MARCHF1: variants seen among roughly 807,000 people sequenced by gnomAD.
The protein encoded by MARCHF1 is E3 ubiquitin-protein ligase MARCHF1.
Under a neutral mutation model 54.2 loss-of-function variants are expected in MARCHF1, and 40 were observed. That is an observed-to-expected ratio of 0.74 (90% CI 0.57 to 0.96). The LOEUF (loss-of-function observed/expected upper bound fraction) is 0.96. Among genes scored for constraint, MARCHF1 ranks in the 40% least tolerant of loss-of-function variants. The pLI is 0.00. For missense variants in MARCHF1, 586 were observed against 656.5 expected (o/e 0.89, Z 1.17); for synonymous variants, 236 against 236.3 (o/e 1.00, Z 0.01).
intron 5 of MARCHF1, among the ~76,000 whole-genome samples, chr4:163,655,467 A>G (rs1743104410): frequency 6.6e-6 from 1 of 151,868 alleles, no homozygotes; most frequent in Non-Finnish European, 1.5e-5. Context: ...GGGAGACTTT[A>G]ATACCCCACT....
At chr4:163,697,517 C>A (rs1744673485) in intron 5 of MARCHF1, among the ~76,000 whole-genome samples, 1 of 152,090 alleles carries the variant, frequency 6.6e-6, no homozygotes, top group Non-Finnish European at 1.5e-5. Context: ...CAGTATAGAA[C>A]AAGATTTCTG....
At chr4:163,961,331 A>G (rs1752342717) in intron 3 of MARCHF1, among the ~76,000 whole-genome samples, 1 of 151,980 alleles carries the variant, frequency 6.6e-6, no homozygotes, top group African/African-American at 2.4e-5. Flanking sequence ...AGTCCTAGAG[A>G]AAATTAACAC....
intron 1 of MARCHF1, among the ~76,000 whole-genome samples, chr4:164,264,672 C>A (rs1373942595): frequency 6.6e-6 from 1 of 152,074 alleles, no homozygotes; most frequent in Non-Finnish European, 1.5e-5. Context: ...GTAATCCCAG[C>A]ACTTTGGGAG....
Position 164,119,264 on chromosome 4 carries a change from T to G in MARCHF1, c.-322-7602A>C, listed in dbSNP as rs550302609. Among the ~76,000 whole-genome samples, 10 of 151,630 alleles carry G rather than the reference T, an allele frequency of 6.6e-5. No homozygotes were observed. In the South Asian group the frequency reaches 2.1e-3, roughly 31 times the overall value. On this transcript the variant is annotated intron_variant, in intron 1 of 9. Coordinates refer to ENST00000514618, the MANE Select transcript of MARCHF1 (RefSeq NM_001394959.1). ...AATTTCTTTTGTACAATTCTAGATTTGAAGGGATAATTAAAATCAAAATTA... is the reference window on the plus strand; with the variant it reads ...AATTTCTTTTGTACAATTCTAGATTGGAAGGGATAATTAAAATCAAAATTA...
intron 4 of MARCHF1, among the ~76,000 whole-genome samples, chr4:163,738,969 A>G (rs142467811): frequency 6.6e-6 from 1 of 152,334 alleles, no homozygotes; most frequent in East Asian, 1.9e-4. Context: ...AAATTCCTTA[A>G]GTCGATGGTT....
intron 3 of MARCHF1, among the ~76,000 whole-genome samples, chr4:163,946,334 A>T (rs543115845): frequency 6.6e-6 from 1 of 152,234 alleles, no homozygotes; most frequent in East Asian, 1.9e-4. Context: ...CTTGTCCTTA[A>T]ATAAAGACTC....
intron 1 of MARCHF1, among the ~76,000 whole-genome samples, chr4:164,125,783 G>A (rs1756166812): frequency 6.6e-6 from 1 of 152,200 alleles, no homozygotes; most frequent in Non-Finnish European, 1.5e-5. Context: ...TGTCAGATCA[G>A]CAGGGCATTA....
chr4:163,633,628 C>A (rs1371625318), intron 5 of MARCHF1, among the ~76,000 whole-genome samples: 1 of 152,146 alleles, frequency 6.6e-6, no homozygotes, highest in Non-Finnish European at 1.5e-5. Context: ...GATTGGTATA[C>A]CTGAAAGTGA....
chr4:163,797,706 T>C (rs1042395581), intron 4 of MARCHF1, among the ~76,000 whole-genome samples: 1 of 152,118 alleles, frequency 6.6e-6, no homozygotes, highest in South Asian at 2.1e-4. Flanking sequence ...TTTATTTATT[T>C]CTAGAGTTTC....
intron 1 of MARCHF1, among the ~76,000 whole-genome samples, chr4:164,145,259 A>T (rs1448258535): frequency 6.6e-6 from 1 of 152,218 alleles, no homozygotes; most frequent in Non-Finnish European, 1.5e-5. Context: ...AAGAACTGGT[A>T]CCATTCCTTC....
rs567287132 is a variant in MARCHF1 at position 163,539,119 on chromosome 4, T to TAAG, written c.1339+6474_1339+6476dup. 3.5e-3 allele frequency among the ~76,000 whole-genome samples: 540 copies of TAAG among 152,174 alleles called. 5 individuals carry two copies. The highest frequency in any genetic ancestry group is 0.012 in the African/African-American group (513 of 41,512). ...CACTGCAACCTTTGACTCCTGGGTT[T>TAAG]AAGAGATTTCCTGGCCTCAGCCTCC... On this transcript the variant is annotated intron_variant, in intron 9 of 9. Transcript: ENST00000514618.
chr4:164,252,221 A>G (rs1451165622), intron 1 of MARCHF1, among the ~76,000 whole-genome samples: 1 of 152,200 alleles, frequency 6.6e-6, no homozygotes, highest in Non-Finnish European at 1.5e-5. Flanking sequence ...TGGCTTATTT[A>G]AAAAATGAGG....
chr4:163,855,054 A>G (rs1025796008), intron 3 of MARCHF1, among the ~76,000 whole-genome samples: 8 of 152,192 alleles, frequency 5.3e-5, no homozygotes, highest in Non-Finnish European at 1.2e-4. Context: ...GCAATTAGCA[A>G]TCTGGTCATT....
At chr4:163,826,937 T>C (rs903010619) in intron 4 of MARCHF1, among the ~76,000 whole-genome samples, 1 of 152,108 alleles carries the variant, frequency 6.6e-6, no homozygotes, top group Non-Finnish European at 1.5e-5. Flanking sequence ...TGAGGTATTT[T>C]CCACAATTTC....
At chr4:163,896,773 A>G (rs937322861) in intron 3 of MARCHF1, among the ~76,000 whole-genome samples, 7 of 152,194 alleles carry the variant, frequency 4.6e-5, no homozygotes, top group Non-Finnish European at 2.9e-5. Flanking sequence ...TGCAGGTGCA[A>G]TGATAAGCCT....
intron 5 of MARCHF1, among the ~76,000 whole-genome samples, chr4:163,669,077 C>G (rs1299844137): frequency 1.3e-5 from 2 of 152,148 alleles, no homozygotes; most frequent in African/African-American, 4.8e-5. Flanking sequence ...GGAAGCTTCT[C>G]AGATTTTCGT....
intron 1 of MARCHF1, among the ~76,000 whole-genome samples, chr4:164,143,643 G>A (rs1349113075): frequency 2.0e-5 from 3 of 152,102 alleles, no homozygotes; most frequent in Non-Finnish European, 4.4e-5. Context: ...GTCACCACCA[G>A]GCCTGCCCTA....
chr4:163,888,793 C>A (rs1266673264), intron 3 of MARCHF1, among the ~76,000 whole-genome samples: 3 of 152,172 alleles, frequency 2.0e-5, no homozygotes, highest in South Asian at 2.1e-4. Context: ...AGCCAGAGGT[C>A]CTCTTCTTGG....
chr4:164,141,276 C>A (rs1267620008), intron 1 of MARCHF1, among the ~76,000 whole-genome samples: 2 of 152,188 alleles, frequency 1.3e-5, no homozygotes, highest in African/African-American at 4.8e-5. Flanking sequence ...TTAAGATCAT[C>A]ATGGGTCTCT....
Sources: allele counts gnomAD v4.1 joint callset (sites outside exome capture counted in the v4.1 genomes callset), GRCh38; gene constraint gnomAD v4.1.1; transcripts MANE v1.5; gene names NCBI Gene and HGNC (gene_info 2026-07-23, HGNC 2026-07-21).